EP300: variants seen among roughly 807,000 people sequenced by gnomAD.
The protein encoded by EP300 is EP300 lysine acetyltransferase.
In EP300, 31 loss-of-function variants were observed where a neutral mutation model predicts 264.0. The ratio of observed to expected loss-of-function variants is 0.12; its 90% CI spans 0.09 to 0.16. The LOEUF is 0.16. EP300 is among the 10% of genes least tolerant of loss of function. The pLI, the probability that EP300 is intolerant of heterozygous loss-of-function variation, is 1.00. For missense variants in EP300, 2,766 were observed against 3,052.9 expected, an observed-to-expected ratio of 0.91 and a Z score of 2.21; for synonymous variants, 1,340 against 1,045.4, an observed-to-expected ratio of 1.28 and a Z score of -5.44.
At chr22:41,115,736 G>C (rs556510741) in intron 1 of EP300, among the ~76,000 whole-genome samples, 1 of 152,276 alleles carries the variant, frequency 6.6e-6, no homozygotes, top group South Asian at 2.1e-4. Context: ...TGGTAGGGGT[G>C]GTTTGTATGG....
At position 41,178,652 on chromosome 22, in the gene EP300, C is replaced by G; in HGVS notation, c.6941C>G (p.Pro2314Arg). The G allele has an allele frequency of 1.2e-6, 2 of 1,614,160 alleles. No homozygotes were observed. Among genetic ancestry groups the G allele is most frequent in the Non-Finnish European group, 8.5e-7 (1 of 1,180,030 alleles). ...CAAGTGCGCTCTCCCCAGCCTGTCC[C>G]TTCTCCACGGCCACAGTCCCAGCCC... is the stretch of plus-strand genomic sequence containing the variant. ...SNQVRSPQPV[P>R]SPRPQSQPPH... The change falls in exon 31 of 31, where the codon CCT becomes CGT. Residue 2314 changes from proline to arginine, a missense_variant. By Grantham distance (103) the Pro-to-Arg change is moderately radical. Coordinates refer to ENST00000263253, the MANE Select transcript of EP300 (RefSeq NM_001429.4).
At chr22:41,148,314 A>G (rs1483657239) in intron 12 of EP300, among the ~76,000 whole-genome samples, 1 of 152,158 alleles carries the variant, frequency 6.6e-6, no homozygotes, top group Admixed American at 6.5e-5. Flanking sequence ...ACTCTTAACC[A>G]GTCCATCTCT....
intron 19 of EP300, chr22:41,159,801 A>T (rs1197773731): frequency 6.6e-6 from 1 of 152,052 alleles, no homozygotes; most frequent in African/African-American, 2.4e-5. Context: ...CAGCCTTCCA[A>T]ATAGTTGGGA....
In EP300 at chr22:41,092,636, C is replaced by T. The variant is rs963378127; in HGVS notation, c.-369C>T. The T allele has an allele frequency of 1.3e-5, 8 of 631,774 alleles. No homozygotes were observed. The East Asian group carries it at 2.2e-4, about 17-fold the overall frequency. The allele number at this position is 631,774 out of a possible 1,614,324, so 39.1% of individuals were successfully genotyped here. ...CCGAGGAGGAAGAGGTTGATGGCGG[C>T]GGCGGAGCTCCGAGAGACCTCGGCT... On this transcript the variant is annotated 5_prime_UTR_variant, in exon 1 of 31. Transcript: ENST00000263253.
Position 41,131,915 on chromosome 22 carries a change from G to A in EP300, c.1528+282G>A, listed in dbSNP as rs561426452. ...AAACTTTGATTAATACTGTGTAGAC[G>A]GGCCGGGCATGGTGGCTAACACCTG... On this transcript the variant is annotated intron_variant, in intron 6 of 30. Coordinates refer to ENST00000263253, the MANE Select transcript of EP300 (RefSeq NM_001429.4). Among the ~76,000 whole-genome samples, 11 of 151,862 alleles carry A rather than the reference G, an allele frequency of 7.2e-5. No individual in the cohort carries two copies. In the South Asian group the frequency reaches 8.3e-4, roughly 12 times the overall value.
rs11387442 is a variant in EP300, at chr22:41,114,824, GAAA to G, written c.95-2354_95-2352del. Among the ~76,000 whole-genome samples, 9 of 147,990 alleles carry G rather than the reference GAAA, an allele frequency of 6.1e-5. 1 individual carries two copies. The highest frequency in any genetic ancestry group is 7.5e-5 in the African/African-American group (3 of 40,160). On this transcript the variant is annotated intron_variant, in intron 1 of 30. Transcript: ENST00000263253. Reference sequence around the variant, plus strand: ...GATACAGAAGGAGCAGGATTGGGAAGAAAAAAAAAAACTACAAGAAGAGGAAGG... The same window carrying G: ...GATACAGAAGGAGCAGGATTGGGAAGAAAAAAAACTACAAGAAGAGGAAGG...
At chr22:41,134,858 C>T (rs1482090016) in intron 6 of EP300, among the ~76,000 whole-genome samples, 1 of 152,104 alleles carries the variant, frequency 6.6e-6, no homozygotes, top group Non-Finnish European at 1.5e-5. Context: ...ATATTTTCCC[C>T]TCTTGTTTTA....
intron 8 of EP300, among the ~76,000 whole-genome samples, chr22:41,138,456 G>A (rs752040765): frequency 2.6e-5 from 4 of 152,106 alleles, no homozygotes; most frequent in East Asian, 1.9e-4. Context: ...GAGCCACCAC[G>A]CCTGTCCTGG....
chr22:41,171,874 A>C (rs2059172874), intron 27 of EP300, among the ~76,000 whole-genome samples: 1 of 152,120 alleles, frequency 6.6e-6, no homozygotes, highest in Non-Finnish European at 1.5e-5. Context: ...CGGCCTCCCA[A>C]AGTGCTGGGA....
intron 2 of EP300, among the ~76,000 whole-genome samples, chr22:41,122,426 A>AG (rs2058857991): frequency 6.6e-6 from 1 of 152,092 alleles, no homozygotes; most frequent in African/African-American, 2.4e-5. Context: ...GCCACCTCTC[A>AG]AAGTGCTGGG....
At chr22:41,144,352 A>G (rs188719824) in intron 10 of EP300, among the ~76,000 whole-genome samples, 118 of 152,110 alleles carry the variant, frequency 7.8e-4, no homozygotes, top group African/African-American at 2.6e-3. Context: ...TTACCTCTAA[A>G]TATTTATATA....
Position 41,129,947 on chromosome 22 carries a change from A to G in EP300, c.1226A>G (p.His409Arg), listed in dbSNP as rs1466532504. Residue 409 changes from histidine to arginine, a missense_variant, in exon 5 of 31, where the codon CAT becomes CGT. Coordinates refer to ENST00000263253, the MANE Select transcript of EP300 (RefSeq NM_001429.4). ...IISHWKNCTR[H>R]DCPVCLPLKN... is the part of the protein sequence containing the mutation. Reference sequence around the variant, plus strand: ...TCACACTGGAAGAATTGTACAAGACATGATTGTCCTGTGTGTCTCCCCCTC... The same window carrying G: ...TCACACTGGAAGAATTGTACAAGACGTGATTGTCCTGTGTGTCTCCCCCTC... 2 of 1,613,982 alleles carry G rather than the reference A, an allele frequency of 1.2e-6. No individual in the cohort carries two copies. Among genetic ancestry groups the G allele is most frequent in the Admixed American group, 3.3e-5 (2 of 60,002 alleles).
At chr22:41,130,918 A>AT (rs1569097762) in intron 5 of EP300, among the ~76,000 whole-genome samples, 1 of 152,172 alleles carries the variant, frequency 6.6e-6, no homozygotes, top group Non-Finnish European at 1.5e-5. Context: ...TTTGGGAAGT[A>AT]TTGTACAGCA....
chr22:41,117,534 A>C lies in EP300; in HGVS notation c.442A>C (p.Thr148Pro). Residue 148 changes from threonine (T) to proline (P), a missense_variant, in exon 2 of 31, where the codon ACG becomes CCG. Physicochemically the swap from Thr to Pro is conservative, Grantham distance 38. Transcript: ENST00000263253. ...MGTSGPNQGP[T>P]QSTGMMNSPV... ...CACTAGTGGACCAAATCAGGGTCCT[A>C]CGCAGTCAACAGGTATGATGAACAG... is the stretch of plus-strand genomic sequence containing the variant. The C allele has an allele frequency of 6.2e-7, 1 of 1,614,254 alleles. No homozygotes were observed. Among genetic ancestry groups the C allele is most frequent in the Non-Finnish European group, 8.5e-7 (1 of 1,180,028 alleles).
intron 1 of EP300, among the ~76,000 whole-genome samples, chr22:41,116,767 G>GTA (rs755993313): frequency 1.3e-5 from 2 of 152,112 alleles, no homozygotes; most frequent in Admixed American, 6.6e-5. Context: ...CATACAAATA[G>GTA]TATATATATA....
In EP300 at chr22:41,166,603, G is replaced by T. The variant is rs190692702; in HGVS notation, c.3811G>T (p.Val1271Phe). The T allele has an allele frequency of 1.9e-6, 3 of 1,612,466 alleles. No homozygotes were observed. The highest frequency in any genetic ancestry group is 4.5e-5 in the East Asian group (2 of 44,742). Residue 1271 changes from valine (V) to phenylalanine (F), a missense_variant, in exon 23 of 31, where the codon GTC (valine) becomes TTC (phenylalanine). By Grantham distance (50) the Val-to-Phe change is conservative (BLOSUM62 -1). Transcript: ENST00000263253. ...AAAGTTTTGGTTTACATTTAGATTC[G>T]TCTGTGATGGCTGTTTAAAGAAAAG... is the stretch of plus-strand genomic sequence containing the variant. Reference protein sequence around the residue: ...HHEIIWPAGFVCDGCLKKSAR... With the variant: ...HHEIIWPAGFFCDGCLKKSAR...
At chr22:41,093,661 C>G (rs935716849) in intron 1 of EP300, among the ~76,000 whole-genome samples, 2 of 151,966 alleles carry the variant, frequency 1.3e-5, no homozygotes, top group Non-Finnish European at 2.9e-5. Flanking sequence ...CCATTCTTAG[C>G]TTTTTTTTCC....
At chr22:41,162,638 G>T (rs528592386) in intron 20 of EP300, 85 bp from the exon 21 acceptor site, 5 of 1,051,758 alleles carry the variant, frequency 4.8e-6, no homozygotes, top group Middle Eastern at 2.4e-4. Flanking sequence ...TCTATATAGG[G>T]TGAAGTTTGT....
intron 1 of EP300, among the ~76,000 whole-genome samples, chr22:41,109,530 C>T (rs1344814385): frequency 1.3e-5 from 2 of 152,146 alleles, no homozygotes; most frequent in Non-Finnish European, 2.9e-5. Context: ...TCATTGTAAG[C>T]TGGGCTATCT....
Sources: gnomAD v4.1 joint callset for allele counts (sites outside exome capture counted in the v4.1 genomes callset) on GRCh38, gnomAD v4.1.1 for gene constraint, MANE v1.5 for transcripts, NCBI Gene and HGNC (gene_info 2026-07-23, HGNC 2026-07-21) for gene names.